The following DTX3L variants were observed in gnomAD, a reference collection of about 807,000 sequenced individuals.
The protein encoded by DTX3L is deltex E3 ubiquitin ligase 3L.
Under a neutral mutation model 60.9 loss-of-function variants are expected in DTX3L, and 34 were observed. The observed-to-expected ratio is 0.56, with a 90% CI of 0.42 to 0.74. The LOEUF (loss-of-function observed/expected upper bound fraction) is 0.74. DTX3L is among the 30% of genes least tolerant of loss of function. The pLI is 0.00. For missense variants in DTX3L, 810 were observed against 874.0 expected, an observed-to-expected ratio of 0.93 and a Z score of 0.92; for synonymous variants, 290 against 316.6, an observed-to-expected ratio of 0.92 and a Z score of 0.89.
In DTX3L at chr3:122,572,872, C is replaced by T. The variant is rs1189829908; in HGVS notation, c.*1125C>T. On this transcript the variant is annotated 3_prime_UTR_variant, in exon 5 of 5. Transcript: ENST00000296161. ...GGAATTACAGGCATGAGCCACCACA[C>T]CCACACAAGACTATCATTTTTAATG... 4 of 152,254 alleles carry T rather than the reference C, an allele frequency of 2.6e-5. No individual in the cohort carries two copies. Among genetic ancestry groups the T allele is most frequent in the Non-Finnish European group, 5.9e-5 (4 of 68,080 alleles). 9.4% of individuals were successfully genotyped at this position (152,254 alleles called of 1,614,324 possible). A position where few individuals can be genotyped will look rare whatever the true frequency, so the allele number is the denominator to read the frequency against.
intron 2 of DTX3L, 124 bp downstream of exon 2, chr3:122,566,194 C>T: frequency 7.6e-6 from 6 of 787,764 alleles, no homozygotes; most frequent in Non-Finnish European, 1.0e-5. Context: ...GTTTTAGGCA[C>T]TGGACACAGA....
In DTX3L at chr3:122,571,740, T is replaced by C. The variant is rs1211611246; in HGVS notation, c.2216T>C (p.Ile739Thr). ...AAAGAGGAGCTGAAAGCCAAAGGAA[T>C]TGAGTAAGACAACTGCTGGAAGATG... ...RVKEELKAKGIE is the reference protein window; with the variant it reads ...RVKEELKAKGTE Residue 739 changes from isoleucine (I) to threonine (T), a missense_variant, in exon 5 of 5, where the codon ATT becomes ACT. Transcript: ENST00000296161. The C allele has an allele frequency of 6.2e-7, 1 of 1,612,718 alleles. No individual in the cohort carries two copies.
chr3:122,570,025 G>A lies in DTX3L; in HGVS notation c.1935+1G>A, dbSNP rs747299255. On this transcript the variant is annotated splice_donor_variant, in intron 3 of 4. Coordinates refer to ENST00000296161, the MANE Select transcript of DTX3L (RefSeq NM_138287.3). LOFTEE classifies it high-confidence loss of function. ...TTCTATGAAAGCAGGCATACAAACA[G>A]TAAGTATTTCTCAAGTCCATGGGTT... The A allele has an allele frequency of 2.5e-6, 4 of 1,613,416 alleles. No homozygotes were observed. Among genetic ancestry groups the A allele is most frequent in the Non-Finnish European group, 3.4e-6 (4 of 1,179,966 alleles).
chr3:122,571,725 T>C lies in DTX3L; in HGVS notation c.2201T>C (p.Leu734Pro). Residue 734 changes from leucine (L) to proline (P), a missense_variant, in exon 5 of 5, where the codon CTG becomes CCG. Leu to Pro is a moderately conservative substitution (Grantham distance 98). Transcript: ENST00000296161. The part of the protein sequence containing the change: ...PSYLKRVKEE[L>P]KAKGIE Reference sequence around the variant, plus strand: ...TACCTGAAACGTGTCAAAGAGGAGCTGAAAGCCAAAGGAATTGAGTAAGAC... The same window carrying C: ...TACCTGAAACGTGTCAAAGAGGAGCCGAAAGCCAAAGGAATTGAGTAAGAC... The C allele has an allele frequency of 6.2e-7, 1 of 1,613,358 alleles. No individual in the cohort carries two copies. The highest frequency in any genetic ancestry group is 8.5e-7 in the Non-Finnish European group (1 of 1,179,528).
At chr3:122,567,389 C>A (rs1454197403) in intron 2 of DTX3L, among the ~76,000 whole-genome samples, 1 of 152,104 alleles carries the variant, frequency 6.6e-6, no homozygotes, top group Non-Finnish European at 1.5e-5. Flanking sequence ...ATGATAATGG[C>A]ATGCACTTTG....
rs766897711 is a variant in DTX3L, at chr3:122,569,667, A to G, written c.1578A>G (p.Thr526=). Reference sequence around the variant, plus strand: ...AGAAATTGAAAGAGGGTCATGAAACACCGATGGACATTGATAGCGATGATT... The same window carrying G: ...AGAAATTGAAAGAGGGTCATGAAACGCCGATGGACATTGATAGCGATGATT... The part of the protein sequence containing the change: ...AGKKLKEGHE[T]PMDIDSDDSK... Residue 526 remains threonine, a synonymous_variant, in exon 3 of 5, where the codon ACA becomes ACG. Transcript: ENST00000296161. The G allele has an allele frequency of 4.3e-6, 7 of 1,614,188 alleles. No individual in the cohort carries two copies. The highest frequency in any genetic ancestry group is 5.9e-6 in the Non-Finnish European group (7 of 1,180,034).
chr3:122,572,278 G>A lies in DTX3L; in HGVS notation c.*531G>A, dbSNP rs1474079102. 2 of 152,590 alleles carry A rather than the reference G, an allele frequency of 1.3e-5. No homozygotes were observed. Among genetic ancestry groups the A allele is most frequent in the Non-Finnish European group, 2.9e-5 (2 of 68,372 alleles). The allele number at this position is 152,590 out of a possible 1,614,324, so 9.5% of individuals were successfully genotyped here. A position where few individuals can be genotyped will look rare whatever the true frequency, so the allele number is the denominator to read the frequency against. On this transcript the variant is annotated 3_prime_UTR_variant, in exon 5 of 5. Coordinates refer to ENST00000296161, the MANE Select transcript of DTX3L (RefSeq NM_138287.3). ...TCTGTGTAAAATCTGCTGCAAAGGT[G>A]TCATCCCTCTTGTGTCATCACTGGG...
intron 3 of DTX3L, 66 bp downstream of exon 3, chr3:122,570,090 G>A: frequency 6.6e-7 from 1 of 1,508,528 alleles, no homozygotes; most frequent in Non-Finnish European, 9.2e-7. Context: ...AAAAGAGACT[G>A]TCCTGTTGCC....
At position 122,570,551 on chromosome 3, in the gene DTX3L, T is replaced by C. The variant is rs747863525; in HGVS notation, c.2032T>C (p.Tyr678His). Residue 678 changes from tyrosine (Y) to histidine (H), a missense_variant, in exon 4 of 5, where the codon TAT becomes CAT. Tyr to His is a moderately conservative substitution (Grantham distance 83, BLOSUM62 2). Coordinates refer to ENST00000296161, the MANE Select transcript of DTX3L (RefSeq NM_138287.3). Reference sequence around the variant, plus strand: ...AGGAAGGAAGGTTTTGAAACTGCTTTATAGGGCCTTTGACCAAAAGCTGAT... The same window carrying C: ...AGGAAGGAAGGTTTTGAAACTGCTTCATAGGGCCTTTGACCAAAAGCTGAT... ...KEGRKVLKLLYRAFDQKLIFT... is the reference protein window; with the variant it reads ...KEGRKVLKLLHRAFDQKLIFT... 4 of 1,614,196 alleles carry C rather than the reference T, an allele frequency of 2.5e-6. No homozygotes were observed. The highest frequency in any genetic ancestry group is 3.4e-6 in the Non-Finnish European group (4 of 1,180,040).
At position 122,568,740 on chromosome 3, in the gene DTX3L, C is replaced by T; in HGVS notation, c.651C>T (p.Asp217=). The T allele has an allele frequency of 2.5e-6, 4 of 1,614,184 alleles. No homozygotes were observed. Among genetic ancestry groups the T allele is most frequent in the Non-Finnish European group, 3.4e-6 (4 of 1,180,040 alleles). The change falls in exon 3 of 5, where the codon GAC becomes GAT. Residue 217 remains aspartate (D), a synonymous_variant. Transcript: ENST00000296161. ...AGCCACTCAGTCAGCAGGAGAGGGA[C>T]AGCTGCATTTCTCCTTCTGAACCAG... ...ERKPLSQQER[D]SCISPSEPET...
chr3:122,569,660 A>T lies in DTX3L; in HGVS notation c.1571A>T (p.His524Leu), dbSNP rs2107782040. The T allele has an allele frequency of 6.2e-7, 1 of 1,614,228 alleles. No individual in the cohort carries two copies. Among genetic ancestry groups the T allele is most frequent in the South Asian group, 1.1e-5 (1 of 91,088 alleles). ...GCTGGAAAGAAATTGAAAGAGGGTCATGAAACACCGATGGACATTGATAGC... is the reference window on the plus strand; with the variant it reads ...GCTGGAAAGAAATTGAAAGAGGGTCTTGAAACACCGATGGACATTGATAGC... ...SLAGKKLKEG[H>L]ETPMDIDSDD... is the part of the protein sequence containing the mutation. The change falls in exon 3 of 5, where the codon CAT (histidine) becomes CTT (leucine). Residue 524 changes from histidine (H) to leucine (L), a missense_variant. Coordinates refer to ENST00000296161, the MANE Select transcript of DTX3L (RefSeq NM_138287.3).
At chr3:122,566,378 T>C (rs976867443) in intron 2 of DTX3L, among the ~76,000 whole-genome samples, 2 of 146,032 alleles carry the variant, frequency 1.4e-5, no homozygotes, top group Non-Finnish European at 3.1e-5. Flanking sequence ...CTTCTTTTTT[T>C]CCCCCCAAGA....
Position 122,571,748 on chromosome 3 carries a change from G to A in DTX3L, c.*1G>A. 6.2e-7 allele frequency: 1 copy of A among 1,609,362 alleles called. No homozygotes were observed. The highest frequency in any genetic ancestry group is 1.1e-5 in the South Asian group (1 of 90,366). Reference sequence around the variant, plus strand: ...GCTGAAAGCCAAAGGAATTGAGTAAGACAACTGCTGGAAGATGTCTTAAAT... The same window carrying A: ...GCTGAAAGCCAAAGGAATTGAGTAAAACAACTGCTGGAAGATGTCTTAAAT... On this transcript the variant is annotated 3_prime_UTR_variant, in exon 5 of 5. Transcript: ENST00000296161.
intron 2 of DTX3L, 31 bp downstream of exon 2, chr3:122,566,101 C>G: frequency 2.5e-6 from 4 of 1,589,436 alleles, no homozygotes; most frequent in Non-Finnish European, 3.5e-6. Flanking sequence ...CTGGCTGTGC[C>G]TGCGCCTCCT....
At chr3:122,567,618 A>C (rs187813686) in intron 2 of DTX3L, among the ~76,000 whole-genome samples, 25 of 152,326 alleles carry the variant, frequency 1.6e-4, no homozygotes, top group Admixed American at 3.9e-4. Context: ...ACAACTTTGC[A>C]TGCAGTCGAG....
intron 2 of DTX3L, 78 bp from the exon 3 acceptor site, chr3:122,568,411 A>C (rs1430915963): frequency 8.5e-7 from 1 of 1,173,206 alleles, no homozygotes; most frequent in Admixed American, 3.0e-5. Flanking sequence ...TCTAGTCTCT[A>C]TGCATTCTCC....
At position 122,569,671 on chromosome 3, in the gene DTX3L, A is replaced by G. The variant is rs199741008; in HGVS notation, c.1582A>G (p.Met528Val). The change falls in exon 3 of 5, where the codon ATG becomes GTG. Residue 528 changes from methionine (M) to valine (V), a missense_variant. By Grantham distance (21) the Met-to-Val change is conservative. Coordinates refer to ENST00000296161, the MANE Select transcript of DTX3L (RefSeq NM_138287.3). ...ATTGAAAGAGGGTCATGAAACACCG[A>G]TGGACATTGATAGCGATGATTCCAA... ...KKLKEGHETPMDIDSDDSKAA... is the reference protein window; with the variant it reads ...KKLKEGHETPVDIDSDDSKAA... 6 of 1,614,072 alleles carry G rather than the reference A, an allele frequency of 3.7e-6. No individual in the cohort carries two copies. Among genetic ancestry groups the G allele is most frequent in the Admixed American group, 3.3e-5 (2 of 60,006 alleles).
In DTX3L at chr3:122,569,416, C is replaced by A. The variant is rs200881634; in HGVS notation, c.1327C>A (p.His443Asn). The change falls in exon 3 of 5, where the codon CAT becomes AAT. Residue 443 changes from histidine (H) to asparagine (N), a missense_variant. Physicochemically the swap from His to Asn is moderately conservative, Grantham distance 68. Transcript: ENST00000296161. ...TGCAAGTTTCATCGATGCCTTTCAACATGCCTCATGTCAGTTGATGAGAGA... is the reference window on the plus strand; with the variant it reads ...TGCAAGTTTCATCGATGCCTTTCAAAATGCCTCATGTCAGTTGATGAGAGA... ...AYASFIDAFQHASCQLMREVL... is the reference protein window; with the variant it reads ...AYASFIDAFQNASCQLMREVL... 1 of 1,614,178 alleles carries A rather than the reference C, an allele frequency of 6.2e-7. No individual in the cohort carries two copies. Among genetic ancestry groups the A allele is most frequent in the East Asian group, 2.2e-5 (1 of 44,882 alleles).
At position 122,565,961 on chromosome 3, in the gene DTX3L, C is replaced by T. The variant is rs1373763460; in HGVS notation, c.290C>T (p.Thr97Met). The T allele has an allele frequency of 7.4e-6, 12 of 1,614,164 alleles. No homozygotes were observed. Among genetic ancestry groups the T allele is most frequent in the Non-Finnish European group, 9.3e-6 (11 of 1,180,016 alleles). The change falls in exon 2 of 5, where the codon ACG becomes ATG. Residue 97 changes from threonine (T) to methionine (M), a missense_variant. By Grantham distance (81) the Thr-to-Met change is moderately conservative. Transcript: ENST00000296161. ...ACTGAAAATTCAATAAAGAAGAACA[C>T]GAGACCTCAAATTTCTTCACTGACA... ...VPTENSIKKN[T>M]RPQISSLTQS...
Sources: gnomAD v4.1 joint callset for allele counts (sites outside exome capture counted in the v4.1 genomes callset) on GRCh38, gnomAD v4.1.1 for gene constraint, MANE v1.5 for transcripts, NCBI Gene and HGNC (gene_info 2026-07-23, HGNC 2026-07-21) for gene names.